The following NOS1AP variants were observed in gnomAD, a reference collection of about 807,000 sequenced individuals.
NOS1AP encodes the protein carboxyl-terminal PDZ ligand of neuronal nitric oxide synthase protein.
Under a neutral mutation model 56.2 loss-of-function variants are expected in NOS1AP, and 21 were observed. The ratio of observed to expected loss-of-function variants is 0.37; its 90% confidence interval spans 0.26 to 0.54. The LOEUF is 0.54. Ranked by LOEUF, NOS1AP falls within the 20% of genes least tolerant of loss-of-function variation. The probability of loss-of-function intolerance (pLI) is 0.84; values close to 1 mark genes in which losing one functional copy is unlikely to be tolerated. For synonymous variants in NOS1AP, 270 were observed against 274.6 expected (o/e 0.98, Z 0.17); for missense variants, 522 against 657.8 (o/e 0.79, Z 2.26).
chr1:162,206,481 G>A (rs1183311751), intron 2 of NOS1AP, among the ~76,000 whole-genome samples: 2 of 152,222 alleles, frequency 1.3e-5, no homozygotes, highest in Admixed American at 6.5e-5. Context: ...TGCCTTGGCA[G>A]AGTTGAGTAG....
chr1:162,352,379 AC>A (rs969077724), intron 6 of NOS1AP, among the ~76,000 whole-genome samples: 85 of 146,216 alleles, frequency 5.8e-4, no homozygotes, highest in African/African-American at 2.1e-3. Flanking sequence ...TCTTCTACCT[AC>A]CCCTTAAGTG....
At chr1:162,158,887 G>A (rs775692416) in intron 2 of NOS1AP, among the ~76,000 whole-genome samples, 2 of 152,224 alleles carry the variant, frequency 1.3e-5, no homozygotes, top group Non-Finnish European at 2.9e-5. Flanking sequence ...GAAGGGGAAA[G>A]TGAGAGAAGA....
intron 1 of NOS1AP, among the ~76,000 whole-genome samples, chr1:162,093,739 A>G (rs897282940): frequency 2.8e-4 from 43 of 151,700 alleles, no homozygotes; most frequent in Non-Finnish European, 7.4e-5. Context: ...TTTTAGTGGA[A>G]TCGAGGTCTC....
intron 2 of NOS1AP, among the ~76,000 whole-genome samples, chr1:162,262,612 G>C (rs1450198352): frequency 6.6e-6 from 1 of 152,164 alleles, no homozygotes; most frequent in Non-Finnish European, 1.5e-5. Context: ...AGGGAAAATA[G>C]GGCATCTGGT....
chr1:162,137,340 T>G (rs1649048031), intron 1 of NOS1AP, among the ~76,000 whole-genome samples: 3 of 152,360 alleles, frequency 2.0e-5, no homozygotes, highest in Non-Finnish European at 4.4e-5. Context: ...TCTGCACTTC[T>G]GCAGCACTAT....
chr1:162,358,720 A>G (rs1224755565), intron 8 of NOS1AP, among the ~76,000 whole-genome samples: 1 of 152,220 alleles, frequency 6.6e-6, no homozygotes, highest in Non-Finnish European at 1.5e-5. Flanking sequence ...CATTTCCACA[A>G]GTTTCCCATT....
chr1:162,173,524 C>G (rs977297137), intron 2 of NOS1AP, among the ~76,000 whole-genome samples: 2 of 152,188 alleles, frequency 1.3e-5, no homozygotes, highest in African/African-American at 4.8e-5. Context: ...GACTTCATGT[C>G]TAAAACACCA....
At chr1:162,253,907 A>T (rs1415593000) in intron 2 of NOS1AP, among the ~76,000 whole-genome samples, 1 of 152,180 alleles carries the variant, frequency 6.6e-6, no homozygotes, top group African/African-American at 2.4e-5. Flanking sequence ...GTATCCTATG[A>T]CAAGGAAATG....
intron 4 of NOS1AP, among the ~76,000 whole-genome samples, chr1:162,323,880 A>G (rs563323564): frequency 6.6e-5 from 10 of 152,302 alleles, no homozygotes; most frequent in African/African-American, 2.4e-4. Flanking sequence ...CTCAGTGTAT[A>G]CTGGGGAGTG....
intron 7 of NOS1AP, 37 bp downstream of exon 7, chr1:162,355,390 C>T (rs996691554): frequency 2.5e-6 from 4 of 1,612,524 alleles, no homozygotes; most frequent in African/African-American, 1.3e-5. Context: ...GATCTGCACA[C>T]GTGTGCCCTC....
intron 1 of NOS1AP, among the ~76,000 whole-genome samples, chr1:162,144,988 G>C (rs903260749): frequency 3.9e-5 from 6 of 152,098 alleles, no homozygotes; most frequent in African/African-American, 1.4e-4. Flanking sequence ...ACAAGTCATC[G>C]CAATCATTTT....
At chr1:162,238,865 C>A (rs1653390292) in intron 2 of NOS1AP, among the ~76,000 whole-genome samples, 1 of 152,174 alleles carries the variant, frequency 6.6e-6, no homozygotes, top group East Asian at 1.9e-4. Flanking sequence ...ATCCTGCACC[C>A]ATGTTACTCA....
chr1:162,360,279 C>T (rs907619678), intron 8 of NOS1AP, among the ~76,000 whole-genome samples: 6 of 152,302 alleles, frequency 3.9e-5, no homozygotes, highest in East Asian at 1.9e-4. Flanking sequence ...TCCCTCTGAC[C>T]GCTCTTCCGA....
chr1:162,173,201 A>T (rs575512579), intron 2 of NOS1AP, among the ~76,000 whole-genome samples: 1 of 152,182 alleles, frequency 6.6e-6, no homozygotes, highest in Non-Finnish European at 1.5e-5. Flanking sequence ...ACGGGGTTTC[A>T]CCAGGTTGCC....
chr1:162,194,786 C>G (rs973669232), intron 2 of NOS1AP, among the ~76,000 whole-genome samples: 2 of 152,020 alleles, frequency 1.3e-5, no homozygotes, highest in Non-Finnish European at 2.9e-5. Flanking sequence ...GCAAGAGGGG[C>G]GTATTAATTC....
At chr1:162,133,949 C>T (rs986023935) in intron 1 of NOS1AP, among the ~76,000 whole-genome samples, 1 of 152,086 alleles carries the variant, frequency 6.6e-6, no homozygotes, top group African/African-American at 2.4e-5. Flanking sequence ...CCAGTTCCTG[C>T]CCCATGAACT....
intron 8 of NOS1AP, chr1:162,360,703 C>G: frequency 1.7e-5 from 7 of 423,960 alleles, no homozygotes; most frequent in South Asian, 1.2e-4. Context: ...CTCTATTTAG[C>G]ATATGTCCCT....
chr1:162,087,293 A>G (rs1363401731), intron 1 of NOS1AP, among the ~76,000 whole-genome samples: 3 of 152,084 alleles, frequency 2.0e-5, no homozygotes, highest in Non-Finnish European at 2.9e-5. Flanking sequence ...ATATGTCTGA[A>G]GCATACACTT....
chr1:162,364,706 G>A, intron 8 of NOS1AP: 1 of 985,666 alleles, frequency 1.0e-6, no homozygotes, highest in Non-Finnish European at 1.2e-6. Flanking sequence ...CCTACCAGGT[G>A]GTCCTGGTAA....
Sources: allele counts gnomAD v4.1 joint callset (sites outside exome capture counted in the v4.1 genomes callset), GRCh38; gene constraint gnomAD v4.1.1; transcripts MANE v1.5; gene names NCBI Gene and HGNC (gene_info 2026-07-23, HGNC 2026-07-21).